Variants in METTL15 observed in about 807,000 individuals in gnomAD.
METTL15 encodes the protein 12S rRNA N(4)-cytidine methyltransferase METTL15.
A neutral mutation model predicts 38.3 loss-of-function variants in METTL15; 34 were observed. The ratio of observed to expected loss-of-function variants is 0.89; its 90% CI spans 0.68 to 1.18. The LOEUF is 1.18. Ranked by LOEUF, METTL15 falls within the 50% of genes most tolerant of loss-of-function variation. METTL15 has a pLI of 0.00. For synonymous variants in METTL15, 162 were observed against 170.9 expected (o/e 0.95, Z 0.41); for missense variants, 438 against 498.4 (o/e 0.88, Z 1.15).
the METTL15 span, among the ~76,000 whole-genome samples, chr11:28,532,063 TTCTC>T: frequency 2.0e-5 from 3 of 152,090 alleles, no homozygotes; most frequent in Non-Finnish European, 2.9e-5. Context: ...TTGCATGTCT[TTCTC>T]TATCTAACTA....
intron 6 of METTL15, among the ~76,000 whole-genome samples, chr11:28,455,199 C>A (rs1276119494): frequency 7.0e-6 from 1 of 142,022 alleles, no homozygotes; most frequent in African/African-American, 2.6e-5. Flanking sequence ...AACTCAATAA[C>A]ACATGGGATC....
At chr11:28,196,365 C>T (rs1851909038) in intron 3 of METTL15, among the ~76,000 whole-genome samples, 1 of 151,934 alleles carries the variant, frequency 6.6e-6, no homozygotes, top group Non-Finnish European at 1.5e-5. Flanking sequence ...TTTGTGTCAT[C>T]TATGATTTCT....
At chr11:28,415,523 T>A (rs2133416311) in intron 5 of METTL15, among the ~76,000 whole-genome samples, 1 of 152,316 alleles carries the variant, frequency 6.6e-6, no homozygotes, top group South Asian at 2.1e-4. Flanking sequence ...GAAAATAGTT[T>A]CAGAGAGGTC....
chr11:28,124,197 C>T (rs1010621664), intron 3 of METTL15, among the ~76,000 whole-genome samples: 1 of 151,960 alleles, frequency 6.6e-6, no homozygotes, highest in Non-Finnish European at 1.5e-5. Context: ...TGCTTTTTCC[C>T]CTCAAACCTA....
At chr11:28,451,435 A>T (rs1330793285) in intron 6 of METTL15, among the ~76,000 whole-genome samples, 1 of 152,004 alleles carries the variant, frequency 6.6e-6, no homozygotes, top group Non-Finnish European at 1.5e-5. Flanking sequence ...AATACAAAAA[A>T]TTAGCCAGGC....
chr11:28,188,548 C>A (rs1207604689), intron 3 of METTL15, among the ~76,000 whole-genome samples: 1 of 151,088 alleles, frequency 6.6e-6, no homozygotes, highest in Non-Finnish European at 1.5e-5. Context: ...ATATTTTTAA[C>A]AGTAAGTAAT....
At chr11:28,487,705 A>G (rs1851449970) in intron 6 of METTL15, among the ~76,000 whole-genome samples, 1 of 152,208 alleles carries the variant, frequency 6.6e-6, no homozygotes, top group Non-Finnish European at 1.5e-5. Context: ...AGATGTAGAT[A>G]CAGAATCTAG....
intron 6 of METTL15, among the ~76,000 whole-genome samples, chr11:28,314,576 G>A (rs886755199): frequency 9.9e-5 from 15 of 152,184 alleles, no homozygotes; most frequent in African/African-American, 2.7e-4. Flanking sequence ...TCAATCACTC[G>A]TGAAATATCC....
At chr11:28,238,409 C>T (rs1268469084) in intron 4 of METTL15, among the ~76,000 whole-genome samples, 1 of 152,236 alleles carries the variant, frequency 6.6e-6, no homozygotes, top group African/African-American at 2.4e-5. Flanking sequence ...ACCCTCTGAG[C>T]CAGGTGTGGG....
At chr11:28,188,071 C>A (rs1048331367) in intron 3 of METTL15, among the ~76,000 whole-genome samples, 2 of 151,238 alleles carry the variant, frequency 1.3e-5, no homozygotes, top group African/African-American at 4.8e-5. Context: ...GGTTGAAATT[C>A]TATTCATTGC....
intron 6 of METTL15, among the ~76,000 whole-genome samples, chr11:28,518,837 GAAT>G (rs968124305): frequency 1.1e-4 from 17 of 152,314 alleles, no homozygotes; most frequent in African/African-American, 3.8e-4. Context: ...GTTAAGTAAT[GAAT>G]ATTGTAAGGG....
At chr11:28,443,662 A>G (rs1198715761) in intron 6 of METTL15, among the ~76,000 whole-genome samples, 2 of 152,136 alleles carry the variant, frequency 1.3e-5, no homozygotes, top group African/African-American at 4.8e-5. Context: ...TGACATCTCC[A>G]GTTGCTTAGG....
chr11:28,406,053 C>T (rs1021165452), intron 5 of METTL15, among the ~76,000 whole-genome samples: 23 of 152,064 alleles, frequency 1.5e-4, no homozygotes, highest in African/African-American at 4.8e-4. Flanking sequence ...ATGCCTCCAG[C>T]GTTGTCTTTT....
At chr11:28,372,605 A>G (rs995455723) in intron 5 of METTL15, among the ~76,000 whole-genome samples, 1 of 151,158 alleles carries the variant, frequency 6.6e-6, no homozygotes, top group Non-Finnish European at 1.5e-5. Context: ...AGACCACATT[A>G]TTCTTTTTTT....
chr11:28,454,289 G>A (rs1851149471), intron 6 of METTL15, among the ~76,000 whole-genome samples: 1 of 152,238 alleles, frequency 6.6e-6, no homozygotes, highest in African/African-American at 2.4e-5. Flanking sequence ...CCACCCTCGG[G>A]ATCTTGGAAT....
intron 6 of METTL15, among the ~76,000 whole-genome samples, chr11:28,513,711 A>G (rs775941216): frequency 9.9e-5 from 15 of 152,258 alleles, no homozygotes; most frequent in Admixed American, 7.2e-4. Flanking sequence ...AGTAACCTTT[A>G]TGGGAAACAA....
At chr11:28,477,297 C>T (rs1016486295) in intron 6 of METTL15, among the ~76,000 whole-genome samples, 9 of 152,144 alleles carry the variant, frequency 5.9e-5, no homozygotes, top group Non-Finnish European at 8.8e-5. Flanking sequence ...CTGCCTCAGC[C>T]TCCCAAGTAG....
intron 6 of METTL15, among the ~76,000 whole-genome samples, chr11:28,492,293 G>A (rs534917803): frequency 2.6e-5 from 4 of 152,036 alleles, no homozygotes; most frequent in Non-Finnish European, 4.4e-5. Context: ...GGAGGGTCTG[G>A]GATTGGATTG....
chr11:28,279,865 C>CTCCA (rs1855985890), intron 4 of METTL15, among the ~76,000 whole-genome samples: 1 of 150,126 alleles, frequency 6.7e-6, no homozygotes, highest in Non-Finnish European at 1.5e-5. Context: ...CGCCATTGCA[C>CTCCA]TCCAGCCTGG....
Sources: gnomAD v4.1 joint callset for allele counts (sites outside exome capture counted in the v4.1 genomes callset) on GRCh38, gnomAD v4.1.1 for gene constraint, MANE v1.5 for transcripts, NCBI Gene and HGNC (gene_info 2026-07-23, HGNC 2026-07-21) for gene names.